ELOVL4: variants seen among roughly 807,000 people sequenced by gnomAD.
The protein encoded by ELOVL4 is ELOVL fatty acid elongase 4.
ELOVL4 carries 18 observed loss-of-function variants against 42.1 expected under a neutral mutation model. The ratio of observed to expected loss-of-function variants is 0.43; its 90% CI spans 0.30 to 0.63. The LOEUF (loss-of-function observed/expected upper bound fraction) is 0.63, where lower values mean the gene tolerates loss of function less well. Ranked by LOEUF, ELOVL4 falls within the 30% of genes least tolerant of loss-of-function variation. ELOVL4 has a pLI of 0.15. For missense variants in ELOVL4, 299 were observed against 376.2 expected (o/e 0.79, Z 1.70); for synonymous variants, 117 against 127.0 (o/e 0.92, Z 0.53).
rs949201567 is a variant in ELOVL4 at position 79,937,108 on chromosome 6, C to T, written c.100+10072G>A. On this transcript the variant is annotated intron_variant, in intron 1 of 5. Coordinates refer to ENST00000369816, the MANE Select transcript of ELOVL4 (RefSeq NM_022726.4). The stretch of plus-strand genomic sequence containing the variant: ...TGGGCAGACAGGAGGGAACAGAGAC[C>T]TTCACCAGTGAAAGAGGGGAAAGCT... 5.3e-5 allele frequency among the ~76,000 whole-genome samples: 8 copies of T among 152,044 alleles called. No individual in the cohort carries two copies. The East Asian group carries it at 1.4e-3, about 26-fold the overall frequency.
In ELOVL4 at chr6:79,921,961, TG is replaced by T. The variant is rs5877683; in HGVS notation, c.370-166del. Among the ~76,000 whole-genome samples the T allele has an allele frequency of 0.062, 9,404 of 152,172 alleles. 923 individuals carry two copies. The highest frequency in any genetic ancestry group is 0.22 in the African/African-American group (8,924 of 41,476). ...TTTGAAAAACCTAAGCATCTCTCCA[TG>T]GGGAAAAATAGAAAAGAAAGAGTCC... On this transcript the variant is annotated intron_variant, in intron 3 of 5. Coordinates refer to ENST00000369816, the MANE Select transcript of ELOVL4 (RefSeq NM_022726.4).
At chr6:79,934,420 G>C (rs1774509264) in intron 1 of ELOVL4, among the ~76,000 whole-genome samples, 1 of 152,010 alleles carries the variant, frequency 6.6e-6, no homozygotes, top group Non-Finnish European at 1.5e-5. Flanking sequence ...TTACTTCATA[G>C]GGTTAAGATG....
At chr6:79,947,133 A>AC (rs750852612) in intron 1 of ELOVL4, 47 bp downstream of exon 1, 27 of 1,484,372 alleles carry the variant, frequency 1.8e-5, no homozygotes, top group African/African-American at 8.3e-5. Flanking sequence ...GGGGCCGGTG[A>AC]CCCCCCGCGG....
In ELOVL4 at chr6:79,947,275, C is replaced by T; in HGVS notation, c.5G>A (p.Gly2Glu). Residue 2 changes from glycine (G) to glutamate (E), a missense_variant, in exon 1 of 6, where the codon GGG (glycine) becomes GAG (glutamate). By Grantham distance (98) the Gly-to-Glu change is moderately conservative (BLOSUM62 -2). Coordinates refer to ENST00000369816, the MANE Select transcript of ELOVL4 (RefSeq NM_022726.4). ...ACTACCCGGCTCCGAGTCCAGGAGC[C>T]CCATCGCGGCGATGAGCGGGCGCTG... M[G>E]LLDSEPGSVL... 6.2e-7 allele frequency: 1 copy of T among 1,612,038 alleles called. No homozygotes were observed. The highest frequency in any genetic ancestry group is 8.5e-7 in the Non-Finnish European group (1 of 1,179,010).
intron 1 of ELOVL4, among the ~76,000 whole-genome samples, chr6:79,926,585 T>C (rs1229379682): frequency 6.6e-6 from 1 of 152,200 alleles, no homozygotes; most frequent in Non-Finnish European, 1.5e-5. Context: ...AAAATTATGC[T>C]TCATTACTTA....
rs182853089 is a variant in ELOVL4, at chr6:79,926,672, T to C, written c.101-291A>G. ...AGCGCACTAAAAACAGAGGTGGTTA[T>C]CTTGGGATGAAAAGTTAATGAAAAA... On this transcript the variant is annotated intron_variant, in intron 1 of 5. Transcript: ENST00000369816. Among the ~76,000 whole-genome samples, 3 of 152,332 alleles carry C rather than the reference T, an allele frequency of 2.0e-5. No individual in the cohort carries two copies. In the East Asian group the frequency reaches 5.8e-4, roughly 29 times the overall value.
chr6:79,928,037 C>T (rs1462006140), intron 1 of ELOVL4, among the ~76,000 whole-genome samples: 1 of 151,958 alleles, frequency 6.6e-6, no homozygotes, highest in Non-Finnish European at 1.5e-5. Context: ...ATTCTATGAC[C>T]ATATCTTTCT....
chr6:79,919,802 T>C (rs1774221556), intron 4 of ELOVL4, among the ~76,000 whole-genome samples: 1 of 152,166 alleles, frequency 6.6e-6, no homozygotes, highest in African/African-American at 2.4e-5. Flanking sequence ...TTCACAGTTG[T>C]AGGTTTTCAA....
intron 2 of ELOVL4, among the ~76,000 whole-genome samples, chr6:79,925,898 G>A (rs1774334617): frequency 6.6e-6 from 1 of 152,090 alleles, no homozygotes; most frequent in Admixed American, 6.5e-5. Context: ...TGAGATGGTA[G>A]GTATTTAAGT....
At chr6:79,931,180 T>C (rs1165357297) in intron 1 of ELOVL4, among the ~76,000 whole-genome samples, 2 of 152,346 alleles carry the variant, frequency 1.3e-5, no homozygotes, top group Non-Finnish European at 2.9e-5. Context: ...TTTTATATTT[T>C]ATACTATTAA....
At chr6:79,943,288 T>C (rs1033626011) in intron 1 of ELOVL4, among the ~76,000 whole-genome samples, 1 of 152,086 alleles carries the variant, frequency 6.6e-6, no homozygotes, top group Non-Finnish European at 1.5e-5. Flanking sequence ...AAACATCCCC[T>C]CCCACTAGCC....
rs183450036 is a variant in ELOVL4 at position 79,932,278 on chromosome 6, C to T, written c.101-5897G>A. On this transcript the variant is annotated intron_variant, in intron 1 of 5. Coordinates refer to ENST00000369816, the MANE Select transcript of ELOVL4 (RefSeq NM_022726.4). The stretch of plus-strand genomic sequence containing the variant: ...TGAGGGGGCCGGGTGCAGTGGCTCA[C>T]GCCTGTAATCCCAGCACTTTGGGAG... Among the ~76,000 whole-genome samples the T allele has an allele frequency of 4.6e-5, 7 of 152,250 alleles. No individual in the cohort carries two copies. In the East Asian group the frequency reaches 5.8e-4, roughly 13 times the overall value.
chr6:79,919,144 C>T (rs916589158), intron 5 of ELOVL4, among the ~76,000 whole-genome samples: 2 of 152,136 alleles, frequency 1.3e-5, no homozygotes, highest in African/African-American at 2.4e-5. Context: ...GATCTTTAAT[C>T]ATCCTTTCCA....
chr6:79,945,707 A>T (rs139673497), intron 1 of ELOVL4, among the ~76,000 whole-genome samples: 2 of 152,268 alleles, frequency 1.3e-5, no homozygotes, highest in East Asian at 3.9e-4. Flanking sequence ...GCAACGTTTA[A>T]AGAACCGAAA....
At chr6:79,918,342 C>T (rs964486885) in intron 5 of ELOVL4, among the ~76,000 whole-genome samples, 1 of 152,178 alleles carries the variant, frequency 6.6e-6, no homozygotes, top group Non-Finnish European at 1.5e-5. Context: ...TATGGCATCA[C>T]TCAAGGAGAG....
Position 79,947,227 on chromosome 6 carries a change from G to T in ELOVL4, c.53C>A (p.Ala18Glu). The T allele has an allele frequency of 6.2e-7, 1 of 1,613,268 alleles. No individual in the cohort carries two copies. The highest frequency in any genetic ancestry group is 8.5e-7 in the Non-Finnish European group (1 of 1,179,566). ...PGSVLNVVST[A>E]LNDTVEFYRW... ...GTAGAACTCTACCGTGTCGTTGAGT[G>T]CCGTGGACACTACGTTTAGGACACT... The change falls in exon 1 of 6, where the codon GCA becomes GAA. Residue 18 changes from alanine to glutamate, a missense_variant. Coordinates refer to ENST00000369816, the MANE Select transcript of ELOVL4 (RefSeq NM_022726.4).
chr6:79,924,319 G>C (rs569531948), intron 3 of ELOVL4, among the ~76,000 whole-genome samples: 1 of 151,770 alleles, frequency 6.6e-6, no homozygotes, highest in Non-Finnish European at 1.5e-5. Flanking sequence ...TTCTACTCTT[G>C]AGCAAAAACA....
At chr6:79,918,833 C>T (rs1774202244) in intron 5 of ELOVL4, among the ~76,000 whole-genome samples, 1 of 152,134 alleles carries the variant, frequency 6.6e-6, no homozygotes, top group Admixed American at 6.5e-5. Context: ...GACTAAAGAC[C>T]ACCATTTGAA....
chr6:79,918,889 A>C (rs1402723381), intron 5 of ELOVL4, among the ~76,000 whole-genome samples: 1 of 152,202 alleles, frequency 6.6e-6, no homozygotes, highest in Non-Finnish European at 1.5e-5. Context: ...AGAGAATTAC[A>C]AGGAGTTCTC....
Sources: allele counts gnomAD v4.1 joint callset (sites outside exome capture counted in the v4.1 genomes callset), GRCh38; gene constraint gnomAD v4.1.1; transcripts MANE v1.5; gene names NCBI Gene and HGNC (gene_info 2026-07-23, HGNC 2026-07-21).